Variants in DPP10 observed in about 807,000 individuals in gnomAD.
DPP10 encodes dipeptidyl peptidase like 10.
In DPP10, 33 loss-of-function variants were observed where a neutral mutation model predicts 120.9. The ratio of observed to expected loss-of-function variants is 0.27; its 90% confidence interval spans 0.21 to 0.37. DPP10 has a LOEUF of 0.37. DPP10 is among the 10% of genes least tolerant of loss of function. The pLI is 1.00. For missense variants in DPP10, 816 were observed against 942.8 expected (o/e 0.87, Z 1.76); for synonymous variants, 337 against 326.1 (o/e 1.03, Z -0.36).
chr2:115,544,313 C>G (rs1320329703), intron 5 of DPP10, among the ~76,000 whole-genome samples: 1 of 152,020 alleles, frequency 6.6e-6, no homozygotes, highest in Non-Finnish European at 1.5e-5. Flanking sequence ...ATATAAACCT[C>G]CTGGGCTACC....
At chr2:114,604,082 A>G (rs1166979321) in intron 1 of DPP10, among the ~76,000 whole-genome samples, 1 of 152,048 alleles carries the variant, frequency 6.6e-6, no homozygotes, top group African/African-American at 2.4e-5. Flanking sequence ...CAACACATAA[A>G]TGCCTTCCAA....
Position 115,343,846 on chromosome 2 carries a change from T to C in DPP10, c.205T>C (p.Leu69=), listed in dbSNP as rs755189471. Residue 69 remains leucine (L), a synonymous_variant, in exon 3 of 26, where the codon TTG becomes CTG. Transcript: ENST00000410059. ...DELTNSSETR[L]SLEDLFRKDF... ...ACTCACAAATTCGTCAGAAACCAGA[T>C]TGTCTTTGGAAGACCTCTTTAGGAA... The C allele has an allele frequency of 1.2e-6, 2 of 1,612,404 alleles. No individual in the cohort carries two copies. Among genetic ancestry groups the C allele is most frequent in the East Asian group, 4.5e-5 (2 of 44,736 alleles).
intron 7 of DPP10, among the ~76,000 whole-genome samples, chr2:115,705,209 A>T (rs2092053503): frequency 6.6e-6 from 1 of 151,928 alleles, no homozygotes; most frequent in African/African-American, 2.4e-5. Flanking sequence ...ATTTTTCCCG[A>T]GTAGTATTTA....
chr2:115,446,032 G>T (rs1052672672), intron 3 of DPP10, among the ~76,000 whole-genome samples: 1 of 152,150 alleles, frequency 6.6e-6, no homozygotes, highest in Non-Finnish European at 1.5e-5. Flanking sequence ...ACTGCTCTGT[G>T]CACCACTGGG....
rs1369860221 is a variant in DPP10 at position 114,666,613 on chromosome 2, T to C, written c.60+223775T>C. On this transcript the variant is annotated intron_variant, in intron 1 of 25. Coordinates refer to ENST00000410059, the MANE Select transcript of DPP10 (RefSeq NM_020868.6). ...CATATAGGCAACCTCTAAAGTCCCATGTATATGCAAGACTGAGACAGAGAG... is the reference window on the plus strand; with the variant it reads ...CATATAGGCAACCTCTAAAGTCCCACGTATATGCAAGACTGAGACAGAGAG... Among the ~76,000 whole-genome samples, 3 of 152,154 alleles carry C rather than the reference T, an allele frequency of 2.0e-5. No individual in the cohort carries two copies. In the East Asian group the frequency reaches 5.8e-4, roughly 29 times the overall value.
At chr2:115,804,235 C>G (rs1033672279) in intron 19 of DPP10, among the ~76,000 whole-genome samples, 1 of 152,198 alleles carries the variant, frequency 6.6e-6, no homozygotes, top group Non-Finnish European at 1.5e-5. Flanking sequence ...GTTACTGAGG[C>G]TTGTGCATTC....
At chr2:114,526,405 A>G (rs996172973) in intron 1 of DPP10, among the ~76,000 whole-genome samples, 5 of 152,154 alleles carry the variant, frequency 3.3e-5, no homozygotes, top group Non-Finnish European at 7.3e-5. Flanking sequence ...CTCATTTTAC[A>G]ATATCTGTAT....
rs369955044 is a variant in DPP10 at position 115,293,618 on chromosome 2, C to T, written c.61-15621C>T. Among the ~76,000 whole-genome samples, 11 of 152,138 alleles carry T rather than the reference C, an allele frequency of 7.2e-5. No individual in the cohort carries two copies. In the East Asian group the frequency reaches 1.2e-3, roughly 16 times the overall value. ...GGAAGAATAAAAGAAATTATGTTAACTGTTCAGAAACTGTGTGATTTAGTA... is the reference window on the plus strand; with the variant it reads ...GGAAGAATAAAAGAAATTATGTTAATTGTTCAGAAACTGTGTGATTTAGTA... On this transcript the variant is annotated intron_variant, in intron 1 of 25. Transcript: ENST00000410059.
intron 4 of DPP10, among the ~76,000 whole-genome samples, chr2:115,518,554 TG>T (rs1254428490): frequency 6.6e-6 from 1 of 152,066 alleles, no homozygotes; most frequent in Non-Finnish European, 1.5e-5. Context: ...TTTGTAAATA[TG>T]GGAATTGCAA....
chr2:115,837,945 G>T (rs1255506592), intron 24 of DPP10, among the ~76,000 whole-genome samples: 1 of 151,786 alleles, frequency 6.6e-6, no homozygotes, highest in African/African-American at 2.4e-5. Context: ...GGAACAGAAA[G>T]GGTACACAGG....
intron 1 of DPP10, among the ~76,000 whole-genome samples, chr2:114,849,074 T>C (rs1387186017): frequency 6.6e-6 from 1 of 152,184 alleles, no homozygotes; most frequent in African/African-American, 2.4e-5. Flanking sequence ...CAATAGTGGC[T>C]GCATGATATT....
At chr2:115,474,028 T>C (rs2074908529) in intron 3 of DPP10, among the ~76,000 whole-genome samples, 1 of 152,170 alleles carries the variant, frequency 6.6e-6, no homozygotes, top group African/African-American at 2.4e-5. Flanking sequence ...TTGATGGTGT[T>C]ATGAGATGAC....
At chr2:115,494,457 T>G (rs2076288157) in intron 3 of DPP10, among the ~76,000 whole-genome samples, 1 of 152,160 alleles carries the variant, frequency 6.6e-6, no homozygotes, top group Non-Finnish European at 1.5e-5. Context: ...TTTCTTCAGT[T>G]AAATATATGG....
chr2:115,516,345 A>G (rs901783237), intron 4 of DPP10, among the ~76,000 whole-genome samples: 3 of 152,122 alleles, frequency 2.0e-5, no homozygotes, highest in African/African-American at 7.2e-5. Flanking sequence ...AAGTGCCACC[A>G]GGGATGTAAA....
intron 1 of DPP10, among the ~76,000 whole-genome samples, chr2:115,238,260 G>T (rs1186013766): frequency 6.6e-6 from 1 of 152,124 alleles, no homozygotes; most frequent in East Asian, 1.9e-4. Flanking sequence ...ACAAACCCTG[G>T]ATGATAGTAC....
intron 1 of DPP10, among the ~76,000 whole-genome samples, chr2:115,127,764 T>C (rs953897980): frequency 6.6e-6 from 1 of 152,210 alleles, no homozygotes; most frequent in Non-Finnish European, 1.5e-5. Flanking sequence ...TGCCCCTTAG[T>C]AGCTTAGTCT....
At chr2:114,563,978 C>T (rs1015377546) in intron 1 of DPP10, among the ~76,000 whole-genome samples, 19 of 152,164 alleles carry the variant, frequency 1.2e-4, no homozygotes, top group African/African-American at 3.4e-4. Flanking sequence ...GCAGCTCACC[C>T]GCTGGGATAG....
chr2:114,601,464 GT>G (rs1389945590), intron 1 of DPP10, among the ~76,000 whole-genome samples: 5 of 151,774 alleles, frequency 3.3e-5, no homozygotes, highest in Non-Finnish European at 7.4e-5. Flanking sequence ...TTACAGTTGT[GT>G]TTTTTTCTTC....
rs571430092 is a variant in DPP10, at chr2:114,454,108, C to A, written c.60+11270C>A. On this transcript the variant is annotated intron_variant, in intron 1 of 25. Transcript: ENST00000410059. ...ATAGAAGGGGCTCCTCACCCCAACT[C>A]GCAGATGAGTTTGGATCTTTGAACT... 1.5e-3 allele frequency among the ~76,000 whole-genome samples: 224 copies of A among 152,246 alleles called. 2 individuals carry two copies. The highest frequency in any genetic ancestry group is 3.0e-3 in the Non-Finnish European group (201 of 68,010).
Sources: allele counts gnomAD v4.1 joint callset (sites outside exome capture counted in the v4.1 genomes callset), GRCh38; gene constraint gnomAD v4.1.1; transcripts MANE v1.5; gene names NCBI Gene and HGNC (gene_info 2026-07-23, HGNC 2026-07-21).